Variants in SETD2 observed in about 807,000 individuals in gnomAD.
The protein encoded by SETD2 is SET domain containing 2, histone lysine methyltransferase, also known as histone-lysine N-methyltransferase SETD2.
In SETD2, 31 loss-of-function variants were observed where a neutral mutation model predicts 242.1. That is an observed-to-expected ratio of 0.13 (90% CI 0.10 to 0.17). SETD2 has a LOEUF of 0.17. Among genes scored for constraint, SETD2 ranks in the 10% least tolerant of loss-of-function variants. The pLI is 1.00. For synonymous variants in SETD2, 1,006 were observed against 1,066.5 expected (o/e 0.94, Z 1.11); for missense variants, 2,481 against 3,046.3 (o/e 0.81, Z 4.37).
chr3:47,043,192 G>A (rs1418489194), intron 16 of SETD2, among the ~76,000 whole-genome samples: 1 of 152,024 alleles, frequency 6.6e-6, no homozygotes, highest in Non-Finnish European at 1.5e-5. Context: ...AATCACTTAT[G>A]GACTGATTTT....
At chr3:47,090,947 A>G (rs760476722) in intron 9 of SETD2, among the ~76,000 whole-genome samples, 7 of 152,204 alleles carry the variant, frequency 4.6e-5, no homozygotes, top group Admixed American at 1.3e-4. Context: ...TTCATATTGT[A>G]CCCAAAAATT....
chr3:47,098,183 C>G (rs2107675565), intron 8 of SETD2, 102 bp from the exon 9 acceptor site: 1 of 1,187,688 alleles, frequency 8.4e-7, no homozygotes, highest in Non-Finnish European at 1.2e-6. Flanking sequence ...CAAAATCAAA[C>G]AAACAAAAAC....
At chr3:47,131,456 G>A (rs951349540) in intron 1 of SETD2, among the ~76,000 whole-genome samples, 6 of 152,032 alleles carry the variant, frequency 3.9e-5, no homozygotes, top group Non-Finnish European at 2.9e-5. Context: ...CCATTCTCCT[G>A]CCTCAGCCTC....
At chr3:47,062,654 T>C (rs766847852) in intron 13 of SETD2, among the ~76,000 whole-genome samples, 18 of 152,232 alleles carry the variant, frequency 1.2e-4, no homozygotes, top group Non-Finnish European at 2.4e-4. Context: ...GATATTCCCA[T>C]TACATTTAGC....
At chr3:47,061,357 G>A (rs966045811) in intron 14 of SETD2, among the ~76,000 whole-genome samples, 5 of 152,192 alleles carry the variant, frequency 3.3e-5, no homozygotes, top group Non-Finnish European at 5.9e-5. Context: ...AAATCCACCC[G>A]TTTATAAACC....
chr3:47,115,955 T>G (rs537239181), intron 4 of SETD2, among the ~76,000 whole-genome samples: 2 of 152,250 alleles, frequency 1.3e-5, no homozygotes, highest in South Asian at 4.1e-4. Flanking sequence ...CAAAATTAAA[T>G]TTTTTAATGT....
rs76719490 is a variant in SETD2 at position 47,154,124 on chromosome 3, G to A, written c.71+9730C>T. Among the ~76,000 whole-genome samples the A allele has an allele frequency of 2.2e-3, 330 of 152,172 alleles. 3 individuals carry two copies. Among genetic ancestry groups the A allele is most frequent in the African/African-American group, 7.1e-3 (296 of 41,524 alleles). ...TTCAACTATTTAAAAAAATAAGCAC[G>A]TCTTGGCCAGGCGCGATGGCTCACA... On this transcript the variant is annotated intron_variant, in intron 1 of 20. Transcript: ENST00000409792.
At chr3:47,071,512 A>C (rs557240388) in intron 12 of SETD2, among the ~76,000 whole-genome samples, 4 of 152,348 alleles carry the variant, frequency 2.6e-5, no homozygotes, top group Admixed American at 2.6e-4. Flanking sequence ...ACTACTGTTT[A>C]AAGGCCTCAC....
chr3:47,107,479 A>G (rs940920340), intron 5 of SETD2, among the ~76,000 whole-genome samples: 42 of 152,198 alleles, frequency 2.8e-4, no homozygotes, highest in African/African-American at 9.9e-4. Context: ...ATATTTATAT[A>G]GTAGTCCATC....
At chr3:47,061,552 AG>A (rs1045848403) in intron 14 of SETD2, among the ~76,000 whole-genome samples, 1 of 152,248 alleles carries the variant, frequency 6.6e-6, no homozygotes, top group African/African-American at 2.4e-5. Context: ...CAATCTATTT[AG>A]TAATTAGGGG....
chr3:47,160,364 C>T (rs1253037926), intron 1 of SETD2, among the ~76,000 whole-genome samples: 1 of 151,914 alleles, frequency 6.6e-6, no homozygotes, highest in Non-Finnish European at 1.5e-5. Flanking sequence ...TGCAGTGGCA[C>T]AATCTCAGCT....
At position 47,098,099 on chromosome 3, in the gene SETD2, G is replaced by C. The variant is rs757526104; in HGVS notation, c.5016-18C>G. The C allele has an allele frequency of 2.5e-6, 4 of 1,613,218 alleles. No individual in the cohort carries two copies. Among genetic ancestry groups the C allele is most frequent in the Non-Finnish European group, 3.4e-6 (4 of 1,179,470 alleles). Reference sequence around the variant, plus strand: ...CTTCTTTTCTGTTCAAAGAGCATAGGAAAGAAGTCAGCTATGTGGAAGTAA... The same window carrying C: ...CTTCTTTTCTGTTCAAAGAGCATAGCAAAGAAGTCAGCTATGTGGAAGTAA... On this transcript the variant is annotated intron_variant, in intron 8 of 20. Coordinates refer to ENST00000409792, the MANE Select transcript of SETD2 (RefSeq NM_014159.7).
chr3:47,152,102 A>G (rs980270464), intron 1 of SETD2, among the ~76,000 whole-genome samples: 1 of 152,210 alleles, frequency 6.6e-6, no homozygotes, highest in Non-Finnish European at 1.5e-5. Flanking sequence ...ATAATTGTAC[A>G]ACAAAAGTTG....
At chr3:47,106,285 C>T (rs983259304) in intron 5 of SETD2, among the ~76,000 whole-genome samples, 165 bp from the exon 6 acceptor site, 1 of 151,784 alleles carries the variant, frequency 6.6e-6, no homozygotes, top group African/African-American at 2.4e-5. Flanking sequence ...AGCTTCTAAC[C>T]AAGGTTACTT....
intron 9 of SETD2, among the ~76,000 whole-genome samples, chr3:47,089,542 T>C (rs967412801): frequency 4.6e-5 from 7 of 152,212 alleles, no homozygotes; most frequent in African/African-American, 1.7e-4. Context: ...GATTTTATAA[T>C]TATGCTTTGT....
intron 5 of SETD2, among the ~76,000 whole-genome samples, chr3:47,110,231 C>T (rs2042597578): frequency 6.6e-6 from 1 of 151,986 alleles, no homozygotes; most frequent in Non-Finnish European, 1.5e-5. Context: ...CCCACAGAAA[C>T]AGACAGCAAA....
At chr3:47,056,780 C>A in intron 15 of SETD2, 41 bp downstream of exon 15, 2 of 1,530,964 alleles carry the variant, frequency 1.3e-6, no homozygotes, top group Non-Finnish European at 9.0e-7. Flanking sequence ...ATCCCATGAA[C>A]AGACCATAAA....
intron 12 of SETD2, among the ~76,000 whole-genome samples, chr3:47,072,954 A>G (rs1370340297): frequency 3.3e-5 from 5 of 151,402 alleles, no homozygotes; most frequent in African/African-American, 7.3e-5. Context: ...CTCAAAAAAA[A>G]AAAGAAAGAA....
At chr3:47,018,552 C>T (rs964251784) in intron 19 of SETD2, among the ~76,000 whole-genome samples, 4 of 152,160 alleles carry the variant, frequency 2.6e-5, no homozygotes, top group Admixed American at 6.5e-5. Flanking sequence ...GTTCAATGAG[C>T]TGAAATACCA....
Sources: gnomAD v4.1 joint callset for allele counts (sites outside exome capture counted in the v4.1 genomes callset) on GRCh38, gnomAD v4.1.1 for gene constraint, MANE v1.5 for transcripts, NCBI Gene and HGNC (gene_info 2026-07-23, HGNC 2026-07-21) for gene names.